Variants in TPBGL observed in about 807,000 individuals in gnomAD.
TPBGL encodes trophoblast glycoprotein-like.
For synonymous variants in TPBGL, 380 were observed against 314.8 expected (o/e 1.21, Z -2.19); for missense variants, 685 against 609.4 (o/e 1.12, Z -1.31).
chr11:75,242,225 C>A lies in TPBGL; in HGVS notation c.*27C>A. The A allele has an allele frequency of 9.2e-7, 1 of 1,090,692 alleles. No homozygotes were observed. Among genetic ancestry groups the A allele is most frequent in the South Asian group, 4.3e-5 (1 of 23,164 alleles). The allele number at this position is 1,090,692 out of a possible 1,614,324, so 67.6% of individuals were successfully genotyped here. Reference sequence around the variant, plus strand: ...CGGCGCCCCCGGGCTCGGGGCTTCCCTTGCCTGGCCCGAAGCCGTGGAGAT... The same window carrying A: ...CGGCGCCCCCGGGCTCGGGGCTTCCATTGCCTGGCCCGAAGCCGTGGAGAT... On this transcript the variant is annotated 3_prime_UTR_variant, in exon 1 of 1. Transcript: ENST00000562197.
In TPBGL at chr11:75,241,459, C is replaced by A; in HGVS notation, c.410C>A (p.Ala137Asp). 7.9e-7 allele frequency: 1 copy of A among 1,267,760 alleles called. No individual in the cohort carries two copies. Among genetic ancestry groups the A allele is most frequent in the South Asian group, 2.4e-5 (1 of 40,992 alleles). The allele number at this position is 1,267,760 out of a possible 1,614,324, so 78.5% of individuals were successfully genotyped here. A position where few individuals can be genotyped will look rare whatever the true frequency, so the allele number is the denominator to read the frequency against. ...HNPLRALGGG[A>D]FRGLPALRSL... ...CCGCTGCGCGCCCTGGGCGGCGGCGCCTTCCGCGGGCTGCCCGCGCTGCGC... is the reference window on the plus strand; with the variant it reads ...CCGCTGCGCGCCCTGGGCGGCGGCGACTTCCGCGGGCTGCCCGCGCTGCGC... The change falls in exon 1 of 1, where the codon GCC becomes GAC. Residue 137 changes from alanine (A) to aspartate (D), a missense_variant. Ala to Asp is a moderately radical substitution (Grantham distance 126). Transcript: ENST00000562197.
chr11:75,241,268 G>C lies in TPBGL; in HGVS notation c.219G>C (p.Leu73=). Reference sequence around the variant, plus strand: ...TCGTAGGCGCCAACCTGACGGTGCTGCGCGCGGCCGCCTTCGCCGGCGGGG... The same window carrying C: ...TCGTAGGCGCCAACCTGACGGTGCTCCGCGCGGCCGCCTTCGCCGGCGGGG... ...LTIVGANLTV[L]RAAAFAGGDG... Residue 73 remains leucine (L), a synonymous_variant, in exon 1 of 1, where the codon CTG becomes CTC. Transcript: ENST00000562197. 7.4e-7 allele frequency: 1 copy of C among 1,358,118 alleles called. No individual in the cohort carries two copies. Among genetic ancestry groups the C allele is most frequent in the East Asian group, 3.2e-5 (1 of 31,466 alleles). 84.1% of individuals were successfully genotyped at this position (1,358,118 alleles called of 1,614,324 possible).
Position 75,241,597 on chromosome 11 carries a change from C to G in TPBGL, c.548C>G (p.Ala183Gly), listed in dbSNP as rs754053222. The change falls in exon 1 of 1, where the codon GCG (alanine) becomes GGG (glycine). Residue 183 changes from alanine (A) to glycine (G), a missense_variant. By Grantham distance (60) the Ala-to-Gly change is moderately conservative. Transcript: ENST00000562197. ...ELRLLGLAGNALSRLPPAALR... is the reference protein window; with the variant it reads ...ELRLLGLAGNGLSRLPPAALR... ...CGCCTGCTGGGCCTAGCGGGCAACG[C>G]GCTGAGCCGTCTGCCGCCAGCCGCC... is the stretch of plus-strand genomic sequence containing the variant. 1.8e-4 allele frequency: 239 copies of G among 1,318,120 alleles called. No individual in the cohort carries two copies. Among genetic ancestry groups the G allele is most frequent in the African/African-American group, 1.8e-3 (112 of 63,908 alleles). 81.7% of individuals were successfully genotyped at this position (1,318,120 alleles called of 1,614,324 possible). A position where few individuals can be genotyped will look rare whatever the true frequency, so the allele number is the denominator to read the frequency against.
In TPBGL at chr11:75,241,985, G is replaced by A. The variant is rs757262276; in HGVS notation, c.936G>A (p.Gly312=). ...PELEASYVFF[G]LVLALIGLIF... ...TGGAAGCCTCCTACGTGTTCTTCGGGCTGGTGCTGGCACTCATCGGCCTCA... is the reference window on the plus strand; with the variant it reads ...TGGAAGCCTCCTACGTGTTCTTCGGACTGGTGCTGGCACTCATCGGCCTCA... The change falls in exon 1 of 1, where the codon GGG becomes GGA. Residue 312 remains glycine (G), a synonymous_variant. Coordinates refer to ENST00000562197, the MANE Select transcript of TPBGL (RefSeq NM_001195528.2). The A allele has an allele frequency of 2.7e-6, 4 of 1,502,304 alleles. No individual in the cohort carries two copies. The highest frequency in any genetic ancestry group is 2.6e-5 in the East Asian group (1 of 37,792). The allele number at this position is 1,502,304 out of a possible 1,614,324, so 93.1% of individuals were successfully genotyped here. A position where few individuals can be genotyped will look rare whatever the true frequency, so the allele number is the denominator to read the frequency against.
Position 75,240,966 on chromosome 11 carries a change from T to C in TPBGL, c.-84T>C. The C allele has an allele frequency of 9.7e-7, 1 of 1,035,128 alleles. No individual in the cohort carries two copies. The highest frequency in any genetic ancestry group is 1.2e-6 in the Non-Finnish European group (1 of 822,432). 64.1% of individuals were successfully genotyped at this position (1,035,128 alleles called of 1,614,324 possible). ...CTGCCAGCCGCTCCGGGTCAAGGAC[T>C]CGCCCCACCCGTGCCCCCCACCAGG... is the stretch of plus-strand genomic sequence containing the variant. On this transcript the variant is annotated 5_prime_UTR_variant, in exon 1 of 1. Transcript: ENST00000562197.
chr11:75,242,807 C>G lies in TPBGL; in HGVS notation c.*609C>G, dbSNP rs928026244. The G allele has an allele frequency of 6.6e-6, 1 of 151,582 alleles. No individual in the cohort carries two copies. The highest frequency in any genetic ancestry group is 2.4e-5 in the African/African-American group (1 of 41,050). The allele number at this position is 151,582 out of a possible 1,614,324, so 9.4% of individuals were successfully genotyped here. A position where few individuals can be genotyped will look rare whatever the true frequency, so the allele number is the denominator to read the frequency against. On this transcript the variant is annotated 3_prime_UTR_variant, in exon 1 of 1. Coordinates refer to ENST00000562197, the MANE Select transcript of TPBGL (RefSeq NM_001195528.2). ...CCCCGCCTCTGGCTCAGGCCCTTCC[C>G]TTCCTCGGCTCAGGCATGGGGCTCA...
rs1259469091 is a variant in TPBGL at position 75,241,683 on chromosome 11, C to A, written c.634C>A (p.Pro212Thr). ...CCTCAACGCGCTGGCCGGCCTGGAC[C>A]CCGACGAGCTGCGCGCGCTGGAGCG... ...VRLNALAGLD[P>T]DELRALERDG... Residue 212 changes from proline (P) to threonine (T), a missense_variant, in exon 1 of 1, where the codon CCC (proline) becomes ACC (threonine). Physicochemically the swap from Pro to Thr is conservative, Grantham distance 38. Coordinates refer to ENST00000562197, the MANE Select transcript of TPBGL (RefSeq NM_001195528.2). 1.6e-6 allele frequency: 2 copies of A among 1,280,110 alleles called. No homozygotes were observed. Among genetic ancestry groups the A allele is most frequent in the African/African-American group, 1.6e-5 (1 of 62,792 alleles). The allele number at this position is 1,280,110 out of a possible 1,614,324, so 79.3% of individuals were successfully genotyped here.
chr11:75,240,973 A>C lies in TPBGL; in HGVS notation c.-77A>C. 1.8e-6 allele frequency: 2 copies of C among 1,083,136 alleles called. No individual in the cohort carries two copies. The highest frequency in any genetic ancestry group is 2.3e-6 in the Non-Finnish European group (2 of 865,128). The allele number at this position is 1,083,136 out of a possible 1,614,324, so 67.1% of individuals were successfully genotyped here. ...CCGCTCCGGGTCAAGGACTCGCCCCACCCGTGCCCCCCACCAGGCGCTCCC... is the reference window on the plus strand; with the variant it reads ...CCGCTCCGGGTCAAGGACTCGCCCCCCCCGTGCCCCCCACCAGGCGCTCCC... On this transcript the variant is annotated 5_prime_UTR_variant, in exon 1 of 1. Transcript: ENST00000562197.
At position 75,241,630 on chromosome 11, in the gene TPBGL, T is replaced by C; in HGVS notation, c.581T>C (p.Leu194Pro). Residue 194 changes from leucine (L) to proline (P), a missense_variant, in exon 1 of 1, where the codon CTG (leucine) becomes CCG (proline). Transcript: ENST00000562197. ...LSRLPPAALR[L>P]ARLEQLDVRL... ...CGTCTGCCGCCAGCCGCCCTGCGCC[T>C]GGCGCGCCTGGAGCAGCTGGACGTG... The C allele has an allele frequency of 7.6e-7, 1 of 1,313,498 alleles. No homozygotes were observed. The highest frequency in any genetic ancestry group is 3.4e-5 in the Admixed American group (1 of 29,660). The allele number at this position is 1,313,498 out of a possible 1,614,324, so 81.4% of individuals were successfully genotyped here. A position where few individuals can be genotyped will look rare whatever the true frequency, so the allele number is the denominator to read the frequency against.
At position 75,240,912 on chromosome 11, in the gene TPBGL, T is replaced by A. The variant is rs1318733525; in HGVS notation, c.-138T>A. The A allele has an allele frequency of 1.8e-6, 1 of 546,210 alleles. No homozygotes were observed. 33.8% of individuals were successfully genotyped at this position (546,210 alleles called of 1,614,324 possible). On this transcript the variant is annotated 5_prime_UTR_variant, in exon 1 of 1. Coordinates refer to ENST00000562197, the MANE Select transcript of TPBGL (RefSeq NM_001195528.2). ...AGCCAGTAAGTGCGGCTCCTCAGAC[T>A]TTCGAGACAGCGAACGGACCGACCG...
rs1303465317 is a variant in TPBGL at position 75,242,134 on chromosome 11, G to A, written c.1085G>A (p.Arg362His). ...HYRYEQDADP[R>H]RAPAPAAPAG... is the part of the protein sequence containing the mutation. The stretch of plus-strand genomic sequence containing the variant: ...CGCTACGAGCAGGACGCCGACCCGC[G>A]CCGCGCGCCCGCGCCCGCCGCGCCC... Residue 362 changes from arginine (R) to histidine (H), a missense_variant, in exon 1 of 1, where the codon CGC (arginine) becomes CAC (histidine). Transcript: ENST00000562197. 5.7e-6 allele frequency: 7 copies of A among 1,230,858 alleles called. No homozygotes were observed. The highest frequency in any genetic ancestry group is 7.1e-6 in the Non-Finnish European group (7 of 987,762). The allele number at this position is 1,230,858 out of a possible 1,614,324, so 76.2% of individuals were successfully genotyped here.
chr11:75,241,839 T>A lies in TPBGL; in HGVS notation c.790T>A (p.Cys264Ser). The change falls in exon 1 of 1, where the codon TGC (cysteine) becomes AGC (serine). Residue 264 changes from cysteine (C) to serine (S), a missense_variant. By Grantham distance (112) the Cys-to-Ser change is moderately radical (BLOSUM62 -1). Coordinates refer to ENST00000562197, the MANE Select transcript of TPBGL (RefSeq NM_001195528.2). ...CGTGCCCGACTCGCGGCGCCTGCGC[T>A]GCGCCGCCCCGCGGGCGCTGCTAGA... ...ERVPDSRRLRCAAPRALLDRP... is the reference protein window; with the variant it reads ...ERVPDSRRLRSAAPRALLDRP... The A allele has an allele frequency of 7.8e-7, 1 of 1,289,070 alleles. No individual in the cohort carries two copies. The highest frequency in any genetic ancestry group is 9.8e-7 in the Non-Finnish European group (1 of 1,024,656). The allele number at this position is 1,289,070 out of a possible 1,614,324, so 79.9% of individuals were successfully genotyped here.
At position 75,242,417 on chromosome 11, in the gene TPBGL, T is replaced by G. The variant is rs1295046725; in HGVS notation, c.*219T>G. On this transcript the variant is annotated 3_prime_UTR_variant, in exon 1 of 1. Coordinates refer to ENST00000562197, the MANE Select transcript of TPBGL (RefSeq NM_001195528.2). ...ACCCTAGTTTCCGAAACCTCCCTCC[T>G]GAACCACTGAAAGTCCGTTCCCCGT... The G allele has an allele frequency of 2.7e-6, 1 of 374,426 alleles. No homozygotes were observed. The highest frequency in any genetic ancestry group is 3.8e-6 in the Non-Finnish European group (1 of 264,974). The allele number at this position is 374,426 out of a possible 1,614,324, so 23.2% of individuals were successfully genotyped here.
In TPBGL at chr11:75,241,507, T is replaced by G; in HGVS notation, c.458T>G (p.Leu153Arg). The change falls in exon 1 of 1, where the codon CTG becomes CGG. Residue 153 changes from leucine to arginine, a missense_variant. Physicochemically the swap from Leu to Arg is moderately radical, Grantham distance 102. Coordinates refer to ENST00000562197, the MANE Select transcript of TPBGL (RefSeq NM_001195528.2). Reference protein sequence around the residue: ...ALRSLQLNHALVRGGPALLAA... With the variant: ...ALRSLQLNHARVRGGPALLAA... ...CGCTCGCTGCAGCTCAACCACGCGCTGGTGCGCGGCGGCCCCGCGCTGCTG... is the reference window on the plus strand; with the variant it reads ...CGCTCGCTGCAGCTCAACCACGCGCGGGTGCGCGGCGGCCCCGCGCTGCTG... 2.5e-6 allele frequency: 3 copies of G among 1,219,772 alleles called. No homozygotes were observed. Among genetic ancestry groups the G allele is most frequent in the Non-Finnish European group, 2.0e-6 (2 of 982,404 alleles). 75.6% of individuals were successfully genotyped at this position (1,219,772 alleles called of 1,614,324 possible).
chr11:75,241,638 C>G lies in TPBGL; in HGVS notation c.589C>G (p.Leu197Val). The G allele has an allele frequency of 1.5e-6, 2 of 1,311,762 alleles. No individual in the cohort carries two copies. The highest frequency in any genetic ancestry group is 2.0e-6 in the Non-Finnish European group (2 of 1,023,802). 81.3% of individuals were successfully genotyped at this position (1,311,762 alleles called of 1,614,324 possible). A position where few individuals can be genotyped will look rare whatever the true frequency, so the allele number is the denominator to read the frequency against. Reference sequence around the variant, plus strand: ...GCCAGCCGCCCTGCGCCTGGCGCGCCTGGAGCAGCTGGACGTGCGCCTCAA... The same window carrying G: ...GCCAGCCGCCCTGCGCCTGGCGCGCGTGGAGCAGCTGGACGTGCGCCTCAA... ...LPPAALRLAR[L>V]EQLDVRLNAL... The change falls in exon 1 of 1, where the codon CTG becomes GTG. Residue 197 changes from leucine to valine, a missense_variant. By Grantham distance (32) the Leu-to-Val change is conservative. Transcript: ENST00000562197.
rs1186023971 is a variant in TPBGL at position 75,240,975 on chromosome 11, C to T, written c.-75C>T. 1.3e-5 allele frequency: 14 copies of T among 1,096,318 alleles called. No homozygotes were observed. The highest frequency in any genetic ancestry group is 1.6e-5 in the Non-Finnish European group (14 of 876,390). 67.9% of individuals were successfully genotyped at this position (1,096,318 alleles called of 1,614,324 possible). A position where few individuals can be genotyped will look rare whatever the true frequency, so the allele number is the denominator to read the frequency against. ...GCTCCGGGTCAAGGACTCGCCCCACCCGTGCCCCCCACCAGGCGCTCCCAA... is the reference window on the plus strand; with the variant it reads ...GCTCCGGGTCAAGGACTCGCCCCACTCGTGCCCCCCACCAGGCGCTCCCAA... On this transcript the variant is annotated 5_prime_UTR_variant, in exon 1 of 1. Coordinates refer to ENST00000562197, the MANE Select transcript of TPBGL (RefSeq NM_001195528.2).
In TPBGL at chr11:75,242,384, G is replaced by A; in HGVS notation, c.*186G>A. The A allele has an allele frequency of 5.5e-6, 4 of 723,996 alleles. No individual in the cohort carries two copies. The highest frequency in any genetic ancestry group is 5.2e-6 in the Non-Finnish European group (3 of 582,216). 44.8% of individuals were successfully genotyped at this position (723,996 alleles called of 1,614,324 possible). A position where few individuals can be genotyped will look rare whatever the true frequency, so the allele number is the denominator to read the frequency against. On this transcript the variant is annotated 3_prime_UTR_variant, in exon 1 of 1. Coordinates refer to ENST00000562197, the MANE Select transcript of TPBGL (RefSeq NM_001195528.2). ...TAGCCGGTCCGAATCCAGAAACCCCGCCTGCCCACCCTAGTTTCCGAAACC... is the reference window on the plus strand; with the variant it reads ...TAGCCGGTCCGAATCCAGAAACCCCACCTGCCCACCCTAGTTTCCGAAACC...
chr11:75,241,257 C>T lies in TPBGL; in HGVS notation c.208C>T (p.Leu70=). The T allele has an allele frequency of 3.6e-6, 5 of 1,396,282 alleles. No individual in the cohort carries two copies. Among genetic ancestry groups the T allele is most frequent in the Non-Finnish European group, 4.6e-6 (5 of 1,078,544 alleles). The allele number at this position is 1,396,282 out of a possible 1,614,324, so 86.5% of individuals were successfully genotyped here. A position where few individuals can be genotyped will look rare whatever the true frequency, so the allele number is the denominator to read the frequency against. Residue 70 remains leucine (L), a synonymous_variant, in exon 1 of 1, where the codon CTG becomes TTG. Coordinates refer to ENST00000562197, the MANE Select transcript of TPBGL (RefSeq NM_001195528.2). The part of the protein sequence containing the change: ...ARNLTIVGAN[L]TVLRAAAFAG... ...CAACCTCACCATCGTAGGCGCCAAC[C>T]TGACGGTGCTGCGCGCGGCCGCCTT...
rs1945597134 is a variant in TPBGL at position 75,241,419 on chromosome 11, G to A, written c.370G>A (p.Asp124Asn). The change falls in exon 1 of 1, where the codon GAC (aspartate) becomes AAC (asparagine). Residue 124 changes from aspartate (D) to asparagine (N), a missense_variant. Asp to Asn is a conservative substitution (Grantham distance 23, BLOSUM62 1). Coordinates refer to ENST00000562197, the MANE Select transcript of TPBGL (RefSeq NM_001195528.2). ...FDGLPSLAAL[D>N]LSHNPLRALG... is the part of the protein sequence containing the mutation. ...CGGGCTGCCCAGCCTGGCGGCGCTC[G>A]ACCTCAGCCACAACCCGCTGCGCGC... 4 of 1,338,226 alleles carry A rather than the reference G, an allele frequency of 3.0e-6. No homozygotes were observed. Among genetic ancestry groups the A allele is most frequent in the Non-Finnish European group, 2.9e-6 (3 of 1,045,504 alleles). The allele number at this position is 1,338,226 out of a possible 1,614,324, so 82.9% of individuals were successfully genotyped here. A position where few individuals can be genotyped will look rare whatever the true frequency, so the allele number is the denominator to read the frequency against.
Sources: gnomAD v4.1 joint callset for allele counts on GRCh38, gnomAD v4.1.1 for gene constraint, MANE v1.5 for transcripts, NCBI Gene and HGNC (gene_info 2026-07-23, HGNC 2026-07-21) for gene names.